Variants in NAT1 observed in about 807,000 individuals in gnomAD.
NAT1 encodes the protein N-acetyltransferase 1.
For missense variants in NAT1, 400 were observed against 339.2 expected, an observed-to-expected ratio of 1.18 and a Z score of -1.41; for synonymous variants, 144 against 122.6, an observed-to-expected ratio of 1.17 and a Z score of -1.16.
chr8:18,187,936 A>AACACACAC (rs35203470), intron 2 of NAT1, among the ~76,000 whole-genome samples: 4,965 of 137,414 alleles, frequency 0.036, 121 homozygotes, highest in South Asian at 0.05. Flanking sequence ...TTGTATCTTA[A>AACACACAC]ACACACACAC....
intron 2 of NAT1, among the ~76,000 whole-genome samples, chr8:18,191,745 T>C (rs1206971389): frequency 1.3e-5 from 2 of 152,134 alleles, no homozygotes; most frequent in Non-Finnish European, 1.5e-5. Flanking sequence ...GGGAAAGGAT[T>C]CCCTATTTAA....
rs1805424164 is a variant in NAT1 at position 18,222,451 on chromosome 8, T to C, written c.404T>C (p.Leu135Pro). The C allele has an allele frequency of 1.2e-6, 2 of 1,614,130 alleles. No individual in the cohort carries two copies. Among genetic ancestry groups the C allele is most frequent in the East Asian group, 4.5e-5 (2 of 44,878 alleles). ...FGRSYQMWQP[L>P]ELISGKDQPQ... ...CGCTCATACCAGATGTGGCAGCCTC[T>C]GGAGTTAATTTCTGGGAAGGATCAG... The change falls in exon 3 of 3, where the codon CTG becomes CCG. Residue 135 changes from leucine to proline, a missense_variant. Transcript: ENST00000307719.
At chr8:18,202,210 C>T (rs1013280468) in intron 2 of NAT1, among the ~76,000 whole-genome samples, 1 of 152,120 alleles carries the variant, frequency 6.6e-6, no homozygotes, top group Admixed American at 6.5e-5. Context: ...CCTTCTTTGC[C>T]TCAGCAAATA....
intron 2 of NAT1, among the ~76,000 whole-genome samples, chr8:18,200,446 A>G (rs1476151696): frequency 6.6e-6 from 1 of 152,222 alleles, no homozygotes; most frequent in Non-Finnish European, 1.5e-5. Context: ...AGAAAACATA[A>G]TACCACATGT....
chr8:18,216,833 G>T lies in NAT1; in HGVS notation c.-85-2578G>T, dbSNP rs969553398. Reference sequence around the variant, plus strand: ...TCTCAATAGGATGTGGCACAAAAATGGTAAGGGGGAACTCATAAGAACTCA... The same window carrying T: ...TCTCAATAGGATGTGGCACAAAAATTGTAAGGGGGAACTCATAAGAACTCA... On this transcript the variant is annotated intron_variant, in intron 1 of 2. Coordinates refer to ENST00000307719, the MANE Select transcript of NAT1 (RefSeq NM_000662.8). 4.9e-5 allele frequency: 60 copies of T among 1,219,300 alleles called. 1 individual carries two copies. Among genetic ancestry groups the T allele is most frequent in the Middle Eastern group, 3.8e-4 (2 of 5,282 alleles). 75.5% of individuals were successfully genotyped at this position (1,219,300 alleles called of 1,614,324 possible). A position where few individuals can be genotyped will look rare whatever the true frequency, so the allele number is the denominator to read the frequency against.
intron 1 of NAT1, among the ~76,000 whole-genome samples, chr8:18,214,585 T>A (rs367687353): frequency 7.2e-5 from 11 of 152,334 alleles, no homozygotes; most frequent in African/African-American, 2.4e-4. Flanking sequence ...AACAAAAATA[T>A]ATTCCAGTGG....
chr8:18,186,396 G>A (rs1346211942), intron 2 of NAT1, among the ~76,000 whole-genome samples: 4 of 152,142 alleles, frequency 2.6e-5, no homozygotes, highest in Admixed American at 2.6e-4. Context: ...TGATACTGGT[G>A]TAGGTACACC....
At chr8:18,176,797 C>G (rs895151456) in intron 2 of NAT1, among the ~76,000 whole-genome samples, 2 of 151,750 alleles carry the variant, frequency 1.3e-5, no homozygotes, top group Non-Finnish European at 2.9e-5. Context: ...GTCTGTAAAT[C>G]ATTGCTTTGG....
chr8:18,205,759 G>A (rs1416063922), upstream of NAT1, among the ~76,000 whole-genome samples: 2 of 152,206 alleles, frequency 1.3e-5, no homozygotes, highest in African/African-American at 2.4e-5. Flanking sequence ...AGGCATGGGG[G>A]CCGCCATGCT....
intron 1 of NAT1, chr8:18,212,253 G>C (rs1472153404): frequency 2.0e-5 from 3 of 152,168 alleles, no homozygotes; most frequent in African/African-American, 7.2e-5. Flanking sequence ...ACAATAGTTG[G>C]TCAACTGTTG....
At chr8:18,210,843 C>T (rs377466173) in intron 1 of NAT1, among the ~76,000 whole-genome samples, 41 of 152,302 alleles carry the variant, frequency 2.7e-4, no homozygotes, top group African/African-American at 8.2e-4. Flanking sequence ...GGCGTGATCT[C>T]AGCTTAGTGC....
intron 2 of NAT1, among the ~76,000 whole-genome samples, chr8:18,202,904 C>A (rs1803534078): frequency 6.6e-6 from 1 of 152,134 alleles, no homozygotes; most frequent in Non-Finnish European, 1.5e-5. Flanking sequence ...ACACGTCCTG[C>A]TGATTGGTCC....
intron 2 of NAT1, among the ~76,000 whole-genome samples, chr8:18,181,080 CT>C (rs1802492759): frequency 6.6e-6 from 1 of 151,942 alleles, no homozygotes; most frequent in African/African-American, 2.4e-5. Flanking sequence ...TGAATCTGTA[CT>C]TACTTTGAGT....
intron 2 of NAT1, among the ~76,000 whole-genome samples, chr8:18,189,350 C>T (rs1802885610): frequency 6.6e-6 from 1 of 152,056 alleles, no homozygotes; most frequent in South Asian, 2.1e-4. Flanking sequence ...TTAATCATTC[C>T]TGCAAGGTAG....
intron 2 of NAT1, among the ~76,000 whole-genome samples, chr8:18,188,047 T>C (rs1210150824): frequency 3.3e-5 from 5 of 151,722 alleles, no homozygotes; most frequent in Non-Finnish European, 5.9e-5. Flanking sequence ...GTTGTCTTCT[T>C]CAAAAAAGTT....
In NAT1 at chr8:18,219,449, T is replaced by C. The variant is rs560038448; in HGVS notation, c.-47T>C. 4.1e-5 allele frequency: 63 copies of C among 1,550,784 alleles called. 1 individual carries two copies. Among genetic ancestry groups the C allele is most frequent in the South Asian group, 3.5e-4 (29 of 83,884 alleles). ...AAGAAGCAGCAATCTGTCTTCTGGA[T>C]TAAAACTGAAGATCAACCTACTTTC... On this transcript the variant is annotated 5_prime_UTR_variant, in exon 2 of 3. Coordinates refer to ENST00000307719, the MANE Select transcript of NAT1 (RefSeq NM_000662.8).
chr8:18,180,191 G>T (rs997144146), intron 2 of NAT1, among the ~76,000 whole-genome samples: 1 of 152,148 alleles, frequency 6.6e-6, no homozygotes, highest in Non-Finnish European at 1.5e-5. Flanking sequence ...ACCAAGCCTG[G>T]GTGGGCTTGA....
chr8:18,193,075 T>TC (rs1794827968), intron 2 of NAT1, among the ~76,000 whole-genome samples: 1 of 124,022 alleles, frequency 8.1e-6, no homozygotes, highest in Admixed American at 7.8e-5. Flanking sequence ...GAATTTTTTT[T>TC]TTTTTTTTTT....
At chr8:18,174,023 G>C (rs1362506540) in intron 2 of NAT1, among the ~76,000 whole-genome samples, 2 of 152,138 alleles carry the variant, frequency 1.3e-5, no homozygotes, top group African/African-American at 4.8e-5. Flanking sequence ...AGAGCTTGTT[G>C]ATGTGTGTGT....
Sources: gnomAD v4.1 joint callset for allele counts (sites outside exome capture counted in the v4.1 genomes callset) on GRCh38, gnomAD v4.1.1 for gene constraint, MANE v1.5 for transcripts, NCBI Gene and HGNC (gene_info 2026-07-23, HGNC 2026-07-21) for gene names.